The following RIMS2 variants were observed in gnomAD, a reference collection of about 807,000 sequenced individuals.
RIMS2 encodes regulating synaptic membrane exocytosis 2.
A neutral mutation model predicts 174.4 loss-of-function variants in RIMS2; 59 were observed. That is an observed-to-expected ratio of 0.34 (90% confidence interval 0.27 to 0.42). The LOEUF is 0.42. Among genes scored for constraint, RIMS2 ranks in the 10% least tolerant of loss-of-function variants. The probability of loss-of-function intolerance (pLI) is 1.00; values close to 1 mark genes in which losing one functional copy is unlikely to be tolerated. For synonymous variants in RIMS2, 606 were observed against 572.5 expected (o/e 1.06, Z -0.84); for missense variants, 1,620 against 1,666.3 (o/e 0.97, Z 0.48).
chr8:103,847,290 G>C (rs1001398862), intron 3 of RIMS2, among the ~76,000 whole-genome samples: 3 of 152,028 alleles, frequency 2.0e-5, no homozygotes, highest in African/African-American at 7.2e-5. Context: ...GGGCATAGCA[G>C]CTTATGATAA....
chr8:103,968,684 A>G (rs750419431), intron 15 of RIMS2, among the ~76,000 whole-genome samples: 17 of 152,038 alleles, frequency 1.1e-4, no homozygotes, highest in Non-Finnish European at 2.4e-4. Context: ...ATTTAAGCAT[A>G]CATAATTGAA....
At chr8:103,809,228 CA>C (rs1328101936) in intron 3 of RIMS2, among the ~76,000 whole-genome samples, 1 of 151,790 alleles carries the variant, frequency 6.6e-6, no homozygotes, top group African/African-American at 2.4e-5. Flanking sequence ...TTGGCTTGGC[CA>C]ATGCTTATCA....
In RIMS2 at chr8:104,057,555, C is replaced by CTTTTA. The variant is rs545307626; in HGVS notation, c.3334+42958_3334+42962dup. 1.1e-3 allele frequency among the ~76,000 whole-genome samples: 162 copies of CTTTTA among 151,730 alleles called. 1 individual carries two copies. In the East Asian group the frequency reaches 0.022, roughly 20 times the overall value. On this transcript the variant is annotated intron_variant, in intron 19 of 23. Coordinates refer to ENST00000504942, the Ensembl canonical transcript of RIMS2. ...AAAATAGTTTAGATATCAGTTTCTT[C>CTTTTA]TTTTATTTTATTTTATTTTATTATT...
chr8:103,751,827 A>G (rs1486307736), intron 2 of RIMS2, among the ~76,000 whole-genome samples: 1 of 150,990 alleles, frequency 6.6e-6, no homozygotes, highest in Non-Finnish European at 1.5e-5. Flanking sequence ...GTTTGAGTTC[A>G]TTGTAGATTC....
intron 13 of RIMS2, among the ~76,000 whole-genome samples, chr8:103,940,988 C>T (rs1267114155): frequency 2.0e-5 from 3 of 152,056 alleles, no homozygotes; most frequent in African/African-American, 7.2e-5. Context: ...ATTCCTGGCA[C>T]TACCACTTCT....
chr8:103,752,857 A>T (rs888178098), intron 2 of RIMS2, among the ~76,000 whole-genome samples: 2 of 152,132 alleles, frequency 1.3e-5, no homozygotes, highest in African/African-American at 2.4e-5. Context: ...GGTTTTCTAT[A>T]TATACAATCA....
intron 19 of RIMS2, among the ~76,000 whole-genome samples, chr8:104,018,781 A>G (rs1185963369): frequency 1.3e-5 from 2 of 151,988 alleles, no homozygotes; most frequent in African/African-American, 4.8e-5. Flanking sequence ...GACCATGATC[A>G]TTTTTTCCAT....
At chr8:103,623,321 G>C (rs190892864) in intron 1 of RIMS2, among the ~76,000 whole-genome samples, 57 of 152,006 alleles carry the variant, frequency 3.7e-4, no homozygotes, top group African/African-American at 1.3e-3. Context: ...ATAAATTAAA[G>C]TACAGAACAC....
chr8:103,941,012 T>C (rs1322393856), intron 13 of RIMS2, among the ~76,000 whole-genome samples: 1 of 152,188 alleles, frequency 6.6e-6, no homozygotes, highest in African/African-American at 2.4e-5. Flanking sequence ...CCTTGTGTCT[T>C]TGAACAAGTT....
At chr8:103,812,920 G>T (rs183682577) in intron 3 of RIMS2, among the ~76,000 whole-genome samples, 1 of 152,118 alleles carries the variant, frequency 6.6e-6, no homozygotes, top group South Asian at 2.1e-4. Context: ...TTTATCAGTC[G>T]GATGCTTCAA....
At chr8:103,851,275 T>A (rs1030325467) in intron 3 of RIMS2, among the ~76,000 whole-genome samples, 2 of 151,870 alleles carry the variant, frequency 1.3e-5, no homozygotes, top group Non-Finnish European at 1.5e-5. Context: ...GAATATTCTA[T>A]TGGTATGTGG....
intron 17 of RIMS2, among the ~76,000 whole-genome samples, chr8:103,996,614 T>C (rs2095117810): frequency 6.6e-6 from 1 of 151,918 alleles, no homozygotes; most frequent in South Asian, 2.1e-4. Flanking sequence ...ATTAAATGCA[T>C]GAAGAACCAC....
chr8:103,896,494 C>T (rs561745141), intron 4 of RIMS2, among the ~76,000 whole-genome samples: 1 of 151,754 alleles, frequency 6.6e-6, no homozygotes, highest in South Asian at 2.1e-4. Flanking sequence ...GTTTCCACAG[C>T]CATACAATTG....
intron 1 of RIMS2, among the ~76,000 whole-genome samples, chr8:103,649,343 C>G (rs187169731): frequency 3.8e-4 from 58 of 152,120 alleles, no homozygotes; most frequent in African/African-American, 1.4e-3. Flanking sequence ...TGTAGGTGAC[C>G]TGGCCTTTCT....
intron 20 of RIMS2, among the ~76,000 whole-genome samples, chr8:104,247,853 T>C (rs574425579): frequency 1.3e-5 from 2 of 152,296 alleles, no homozygotes; most frequent in African/African-American, 2.4e-5. Flanking sequence ...ATCTAGGCAA[T>C]AGCAGCATAG....
chr8:103,874,612 A>T (rs2099126897), intron 3 of RIMS2, among the ~76,000 whole-genome samples: 1 of 152,032 alleles, frequency 6.6e-6, no homozygotes, highest in Non-Finnish European at 1.5e-5. Context: ...ATTTTCTATC[A>T]GTTACTTTTA....
exon 14 of RIMS2, chr8:103,942,865 C>T (rs2082853762): frequency 1.2e-6 from 2 of 1,613,606 alleles, no homozygotes; most frequent in East Asian, 4.5e-5. Context: ...CACTTCCCCA[C>T]CCTTCTCCAT....
chr8:104,038,020 C>T (rs1283273841), intron 19 of RIMS2, among the ~76,000 whole-genome samples: 1 of 152,044 alleles, frequency 6.6e-6, no homozygotes, highest in Non-Finnish European at 1.5e-5. Flanking sequence ...CACAACAGGA[C>T]TATATCATAG....
chr8:103,871,756 G>T (rs895977107), intron 3 of RIMS2, among the ~76,000 whole-genome samples: 1 of 151,828 alleles, frequency 6.6e-6, no homozygotes, highest in Non-Finnish European at 1.5e-5. Context: ...TGATTTTTGG[G>T]TGTCTTTAAA....
Sources: allele counts gnomAD v4.1 joint callset (sites outside exome capture counted in the v4.1 genomes callset), GRCh38; gene constraint gnomAD v4.1.1; transcripts MANE v1.5; gene names NCBI Gene and HGNC (gene_info 2026-07-23, HGNC 2026-07-21).